Variants in MBNL1 observed in about 807,000 individuals in gnomAD.
The protein encoded by MBNL1 is muscleblind like splicing regulator 1, also known as muscleblind-like protein 1.
Under a neutral mutation model 42.2 loss-of-function variants are expected in MBNL1, and 8 were observed. That is an observed-to-expected ratio of 0.19 (90% CI 0.11 to 0.34). The LOEUF (loss-of-function observed/expected upper bound fraction) is 0.34, where lower values mean the gene tolerates loss of function less well. Among genes scored for constraint, MBNL1 ranks in the 10% least tolerant of loss-of-function variants. MBNL1 has a pLI of 1.00. For missense variants in MBNL1, 309 were observed against 495.3 expected (o/e 0.62, Z 3.57); for synonymous variants, 169 against 173.9 (o/e 0.97, Z 0.22).
chr3:152,456,676 T>C (rs1031656847), intron 8 of MBNL1, among the ~76,000 whole-genome samples: 2 of 152,190 alleles, frequency 1.3e-5, no homozygotes, highest in African/African-American at 2.4e-5. Context: ...TGCAGGTATT[T>C]TGACCAATCA....
intron 2 of MBNL1, among the ~76,000 whole-genome samples, chr3:152,325,597 G>C (rs1240036531): frequency 6.6e-6 from 1 of 150,682 alleles, no homozygotes; most frequent in Non-Finnish European, 1.5e-5. Context: ...ATATATTTTT[G>C]TAGTAGGTAA....
rs1183382445 is a variant in MBNL1 at position 152,465,662 on chromosome 3, G to A, written c.*3296G>A. 6.6e-6 allele frequency: 1 copy of A among 152,458 alleles called. No individual in the cohort carries two copies. Among genetic ancestry groups the A allele is most frequent in the African/African-American group, 2.4e-5 (1 of 41,390 alleles). The allele number at this position is 152,458 out of a possible 1,614,324, so 9.4% of individuals were successfully genotyped here. A position where few individuals can be genotyped will look rare whatever the true frequency, so the allele number is the denominator to read the frequency against. ...TCTGCTTGTAGTTGCTTAAAATTAT[G>A]TATTTTGTCTTGGGCTGCAATTTGT... On this transcript the variant is annotated 3_prime_UTR_variant, in exon 10 of 10. Transcript: ENST00000324210.
At chr3:152,360,864 C>A (rs1047630816) in intron 2 of MBNL1, among the ~76,000 whole-genome samples, 1 of 151,970 alleles carries the variant, frequency 6.6e-6, no homozygotes, top group African/African-American at 2.4e-5. Flanking sequence ...TTTTGTTAGT[C>A]AACTTTATCT....
chr3:152,280,324 T>TTA (rs2047680444), intron 1 of MBNL1, among the ~76,000 whole-genome samples: 1 of 152,116 alleles, frequency 6.6e-6, no homozygotes. Flanking sequence ...GGTTAACTCT[T>TTA]TAGATACTTT....
intron 2 of MBNL1, among the ~76,000 whole-genome samples, chr3:152,305,462 A>G (rs549811665): frequency 6.6e-6 from 1 of 152,012 alleles, no homozygotes; most frequent in Non-Finnish European, 1.5e-5. Context: ...ATTTTCTTAC[A>G]AAGAGGTCCT....
chr3:152,311,749 A>G (rs2066618331), intron 2 of MBNL1, among the ~76,000 whole-genome samples: 1 of 152,172 alleles, frequency 6.6e-6, no homozygotes, highest in African/African-American at 2.4e-5. Flanking sequence ...AAATTTGACC[A>G]TGTAAATATA....
chr3:152,291,485 C>G (rs1404800981), intron 1 of MBNL1, among the ~76,000 whole-genome samples: 1 of 152,120 alleles, frequency 6.6e-6, no homozygotes, highest in African/African-American at 2.4e-5. Flanking sequence ...AGGTGACATC[C>G]CCAATATACT....
At chr3:152,286,739 A>G (rs1045257343) in intron 1 of MBNL1, among the ~76,000 whole-genome samples, 1 of 151,900 alleles carries the variant, frequency 6.6e-6, no homozygotes, top group Non-Finnish European at 1.5e-5. Flanking sequence ...ATGATAGTTC[A>G]TTAGACATTA....
At chr3:152,311,646 AT>A (rs1441782226) in intron 2 of MBNL1, among the ~76,000 whole-genome samples, 1 of 151,832 alleles carries the variant, frequency 6.6e-6, no homozygotes. Context: ...AGTAGGTAGA[AT>A]TTTTTTCATG....
intron 3 of MBNL1, among the ~76,000 whole-genome samples, chr3:152,422,945 G>A (rs1227044138): frequency 1.3e-5 from 2 of 152,212 alleles, no homozygotes; most frequent in African/African-American, 4.8e-5. Flanking sequence ...CACAGCTAAA[G>A]CAGTGTTTAC....
intron 2 of MBNL1, among the ~76,000 whole-genome samples, chr3:152,332,157 G>T (rs1333550599): frequency 6.6e-6 from 1 of 152,154 alleles, no homozygotes; most frequent in Non-Finnish European, 1.5e-5. Flanking sequence ...TTAGATGACT[G>T]GATAAAAGAG....
At chr3:152,374,399 A>G (rs1210024447) in intron 2 of MBNL1, among the ~76,000 whole-genome samples, 3 of 152,200 alleles carry the variant, frequency 2.0e-5, no homozygotes, top group South Asian at 2.1e-4. Context: ...ATGTATTACT[A>G]CTTTCTGTAA....
At chr3:152,339,969 A>G (rs2092685731) in intron 2 of MBNL1, 2 of 152,180 alleles carry the variant, frequency 1.3e-5, no homozygotes, top group African/African-American at 4.8e-5. Context: ...CCCAGTGTTG[A>G]CATCTATTAT....
chr3:152,351,622 T>C (rs893447233), intron 2 of MBNL1, among the ~76,000 whole-genome samples: 3 of 152,144 alleles, frequency 2.0e-5, no homozygotes, highest in Non-Finnish European at 2.9e-5. Flanking sequence ...TAAACACTTA[T>C]AGGAGGGGTT....
In MBNL1 at chr3:152,432,526, A is replaced by G. The variant is rs540268840; in HGVS notation, c.346-191A>G. Among the ~76,000 whole-genome samples, 175 of 152,282 alleles carry G rather than the reference A, an allele frequency of 1.1e-3. 1 individual carries two copies. Among genetic ancestry groups the G allele is most frequent in the Non-Finnish European group, 1.5e-3 (100 of 68,022 alleles). ...TTTACTTATTATATTTTAGAAAAAC[A>G]TTGATTTGATGAATGTTTATTTAAT... On this transcript the variant is annotated intron_variant, in intron 3 of 9. Transcript: ENST00000324210.
At chr3:152,358,230 A>G (rs1053975183) in intron 2 of MBNL1, among the ~76,000 whole-genome samples, 6 of 152,222 alleles carry the variant, frequency 3.9e-5, no homozygotes, top group African/African-American at 1.4e-4. Flanking sequence ...TGAAGTTTTG[A>G]AGTCATATAA....
At chr3:152,387,302 C>G (rs995498390) in intron 2 of MBNL1, among the ~76,000 whole-genome samples, 1 of 150,346 alleles carries the variant, frequency 6.7e-6, no homozygotes, top group African/African-American at 2.5e-5. Flanking sequence ...TAACCCTGCA[C>G]CAAGTACAAG....
intron 2 of MBNL1, among the ~76,000 whole-genome samples, chr3:152,328,040 A>G (rs2081568356): frequency 6.6e-6 from 1 of 152,184 alleles, no homozygotes; most frequent in African/African-American, 2.4e-5. Flanking sequence ...GTAAATTATA[A>G]GATCCTGTGC....
intron 2 of MBNL1, among the ~76,000 whole-genome samples, chr3:152,370,388 T>C (rs1355063714): frequency 1.3e-5 from 2 of 152,198 alleles, no homozygotes; most frequent in Non-Finnish European, 2.9e-5. Context: ...TCTGTTCTTT[T>C]GCACTTGCTG....
Sources: allele counts gnomAD v4.1 joint callset (sites outside exome capture counted in the v4.1 genomes callset), GRCh38; gene constraint gnomAD v4.1.1; transcripts MANE v1.5; gene names NCBI Gene and HGNC (gene_info 2026-07-23, HGNC 2026-07-21).